The following KCNK6 variants were observed in gnomAD, a reference collection of about 807,000 sequenced individuals.
The protein encoded by KCNK6 is potassium two pore domain channel subfamily K member 6, also known as potassium channel subfamily K member 6.
A neutral mutation model predicts 21.9 loss-of-function variants in KCNK6; 20 were observed. That is an observed-to-expected ratio of 0.91 (90% CI 0.64 to 1.32). KCNK6 has a LOEUF of 1.32. KCNK6 is among the 40% of genes most tolerant of loss of function. The pLI is 0.00. For synonymous variants in KCNK6, 210 were observed against 218.0 expected (o/e 0.96, Z 0.32); for missense variants, 415 against 433.1 (o/e 0.96, Z 0.37).
At position 38,327,318 on chromosome 19, in the gene KCNK6, G is replaced by C; in HGVS notation, c.857G>C (p.Arg286Pro). Reference sequence around the variant, plus strand: ...AGTTTCAATGCGGATGAGGACGATCGGGTGGACATCCTGGGCCCCCAGCCG... The same window carrying C: ...AGTTTCAATGCGGATGAGGACGATCCGGTGGACATCCTGGGCCCCCAGCCG... Reference protein sequence around the residue: ...PASFNADEDDRVDILGPQPES... With the variant: ...PASFNADEDDPVDILGPQPES... The change falls in exon 3 of 3, where the codon CGG becomes CCG. Residue 286 changes from arginine (R) to proline (P), a missense_variant. Coordinates refer to ENST00000263372, the MANE Select transcript of KCNK6 (RefSeq NM_004823.3). 3 of 1,613,338 alleles carry C rather than the reference G, an allele frequency of 1.9e-6. No homozygotes were observed. The highest frequency in any genetic ancestry group is 2.5e-6 in the Non-Finnish European group (3 of 1,180,012).
chr19:38,327,101 G>A (rs1310758767), intron 2 of KCNK6, 79 bp from the exon 3 acceptor site: 2 of 1,576,974 alleles, frequency 1.3e-6, no homozygotes, highest in Non-Finnish European at 1.7e-6. Flanking sequence ...ACCCCACCCT[G>A]CAGGGTCCAG....
chr19:38,325,382 T>C (rs2145041457), intron 1 of KCNK6: 1 of 985,240 alleles, frequency 1.0e-6, no homozygotes, highest in Non-Finnish European at 1.2e-6. Flanking sequence ...CCCAAAGTGC[T>C]GGGATTACAG....
rs1363271460 is a variant in KCNK6 at position 38,328,346 on chromosome 19, C to G, written c.*943C>G. 6.6e-6 allele frequency: 1 copy of G among 152,310 alleles called. No homozygotes were observed. The allele number at this position is 152,310 out of a possible 1,614,324, so 9.4% of individuals were successfully genotyped here. A position where few individuals can be genotyped will look rare whatever the true frequency, so the allele number is the denominator to read the frequency against. ...ACAGACATAGGACCCCAGCCCAGAT[C>G]TGAATGGCATGGGAGGTGCTGCCCT... On this transcript the variant is annotated 3_prime_UTR_variant, in exon 3 of 3. Transcript: ENST00000263372.
rs879361712 is a variant in KCNK6, at chr19:38,319,931, G to A, written c.-20G>A. 1.9e-5 allele frequency: 26 copies of A among 1,398,868 alleles called. No homozygotes were observed. The highest frequency in any genetic ancestry group is 7.3e-5 in the Admixed American group (2 of 27,302). The allele number at this position is 1,398,868 out of a possible 1,614,324, so 86.7% of individuals were successfully genotyped here. On this transcript the variant is annotated 5_prime_UTR_variant, in exon 1 of 3. Coordinates refer to ENST00000263372, the MANE Select transcript of KCNK6 (RefSeq NM_004823.3). The stretch of plus-strand genomic sequence containing the variant: ...ACGTCAGCGGGGCCACCCAGGGCTC[G>A]CGGGGTCCCGGTGGGTGCCATGCGG...
intron 2 of KCNK6, 48 bp downstream of exon 2, chr19:38,327,036 C>A: frequency 6.4e-7 from 1 of 1,567,176 alleles, no homozygotes; most frequent in South Asian, 1.2e-5. Context: ...CTAGCCCTGT[C>A]CCTGGGGGAG....
In KCNK6 at chr19:38,326,898, A is replaced by T; in HGVS notation, c.628A>T (p.Ile210Phe). 6.2e-7 allele frequency: 1 copy of T among 1,611,772 alleles called. No individual in the cohort carries two copies. The highest frequency in any genetic ancestry group is 8.5e-7 in the Non-Finnish European group (1 of 1,180,010). The change falls in exon 2 of 3, where the codon ATC (isoleucine) becomes TTC (phenylalanine). Residue 210 changes from isoleucine to phenylalanine, a missense_variant. Transcript: ENST00000263372. ...CTTGGATGCCTTCTACTTCTGCTTTATCTCTCTGTCCACCATCGGCCTGGG... is the reference window on the plus strand; with the variant it reads ...CTTGGATGCCTTCTACTTCTGCTTTTTCTCTCTGTCCACCATCGGCCTGGG... ...SFLDAFYFCF[I>F]SLSTIGLGDY...
At position 38,320,206 on chromosome 19, in the gene KCNK6, G is replaced by T; in HGVS notation, c.256G>T (p.Ala86Ser). The change falls in exon 1 of 3, where the codon GCC becomes TCC. Residue 86 changes from alanine (A) to serine (S), a missense_variant. Ala to Ser is a moderately conservative substitution (Grantham distance 99). Transcript: ENST00000263372. Reference sequence around the variant, plus strand: ...TGCTAACGCTTCGGGGTCCGCCAACGCCTCGGACCCCGCCTGGGACTTCGC... The same window carrying T: ...TGCTAACGCTTCGGGGTCCGCCAACTCCTCGGACCCCGCCTGGGACTTCGC... ...VLANASGSAN[A>S]SDPAWDFASA... The T allele has an allele frequency of 1.2e-6, 2 of 1,602,742 alleles. No homozygotes were observed. Among genetic ancestry groups the T allele is most frequent in the Non-Finnish European group, 8.5e-7 (1 of 1,179,510 alleles).
Position 38,327,435 on chromosome 19 carries a change from C to A in KCNK6, c.*32C>A. The stretch of plus-strand genomic sequence containing the variant: ...CAGCCTCTGCCAGGCTTGGGTGTGC[C>A]TGGCCTGGGACTGAGGGGTCCAGGC... On this transcript the variant is annotated 3_prime_UTR_variant, in exon 3 of 3. Transcript: ENST00000263372. The A allele has an allele frequency of 6.3e-7, 1 of 1,595,206 alleles. No homozygotes were observed. Among genetic ancestry groups the A allele is most frequent in the Non-Finnish European group, 8.5e-7 (1 of 1,175,628 alleles).
chr19:38,327,299 A>G lies in KCNK6; in HGVS notation c.838A>G (p.Asn280Asp), dbSNP rs764377019. 1 of 1,613,644 alleles carries G rather than the reference A, an allele frequency of 6.2e-7. No individual in the cohort carries two copies. The highest frequency in any genetic ancestry group is 1.7e-5 in the Admixed American group (1 of 60,022). ...LLPPPCPASF[N>D]ADEDDRVDIL... is the part of the protein sequence containing the mutation. ...GCCCCCTCCGTGCCCTGCCAGTTTC[A>G]ATGCGGATGAGGACGATCGGGTGGA... The change falls in exon 3 of 3, where the codon AAT (asparagine) becomes GAT (aspartate). Residue 280 changes from asparagine to aspartate, a missense_variant. Asn to Asp is a conservative substitution (Grantham distance 23). Coordinates refer to ENST00000263372, the MANE Select transcript of KCNK6 (RefSeq NM_004823.3).
At position 38,320,031 on chromosome 19, in the gene KCNK6, G is replaced by C. The variant is rs771025484; in HGVS notation, c.81G>C (p.Arg27=). ...TGCTGGGCGCGCTGTTGGTGGCGCG[G>C]CTGGAGGGGCCGCACGAAGCCAGGC... ...YLVLGALLVA[R]LEGPHEARLR... The change falls in exon 1 of 3, where the codon CGG becomes CGC. Residue 27 remains arginine (R), a synonymous_variant. Transcript: ENST00000263372. 1 of 1,496,982 alleles carries C rather than the reference G, an allele frequency of 6.7e-7. No homozygotes were observed. Among genetic ancestry groups the C allele is most frequent in the East Asian group, 2.7e-5 (1 of 36,656 alleles). The allele number at this position is 1,496,982 out of a possible 1,614,324, so 92.7% of individuals were successfully genotyped here. A position where few individuals can be genotyped will look rare whatever the true frequency, so the allele number is the denominator to read the frequency against.
chr19:38,327,102 C>A, intron 2 of KCNK6, 78 bp from the exon 3 acceptor site: 1 of 1,576,396 alleles, frequency 6.3e-7, no homozygotes, highest in Non-Finnish European at 8.6e-7. Context: ...CCCCACCCTG[C>A]AGGGTCCAGT....
At chr19:38,320,417 C>T (rs1969637585) in intron 1 of KCNK6, 145 bp downstream of exon 1, 2 of 866,830 alleles carry the variant, frequency 2.3e-6, no homozygotes, top group South Asian at 3.6e-5. Context: ...CAGTGAGGAC[C>T]CGGGACCCAG....
At chr19:38,320,686 G>A (rs1368679488) in intron 1 of KCNK6, among the ~76,000 whole-genome samples, 2 of 152,102 alleles carry the variant, frequency 1.3e-5, no homozygotes, top group Non-Finnish European at 2.9e-5. Context: ...AGCCTGCCGA[G>A]TAGCTGGGAT....
At position 38,326,630 on chromosome 19, in the gene KCNK6, G is replaced by T; in HGVS notation, c.360G>T (p.Lys120Asn). 6.2e-7 allele frequency: 1 copy of T among 1,611,326 alleles called. No individual in the cohort carries two copies. ...GYTTPLTDAG[K>N]AFSIAFALLG... is the part of the protein sequence containing the mutation. Reference sequence around the variant, plus strand: ...CAACGCCACTGACTGATGCGGGCAAGGCCTTCTCCATCGCCTTTGCGCTCC... The same window carrying T: ...CAACGCCACTGACTGATGCGGGCAATGCCTTCTCCATCGCCTTTGCGCTCC... The change falls in exon 2 of 3, where the codon AAG becomes AAT. Residue 120 changes from lysine to asparagine, a missense_variant. Coordinates refer to ENST00000263372, the MANE Select transcript of KCNK6 (RefSeq NM_004823.3).
At position 38,326,856 on chromosome 19, in the gene KCNK6, G is replaced by C. The variant is rs371310407; in HGVS notation, c.586G>C (p.Glu196Gln). Residue 196 changes from glutamate to glutamine, a missense_variant, in exon 2 of 3, where the codon GAG becomes CAG. Coordinates refer to ENST00000263372, the MANE Select transcript of KCNK6 (RefSeq NM_004823.3). The part of the protein sequence containing the change: ...LVPAVIFAHL[E>Q]EAWSFLDAFY... ...GCCGGCTGTGATCTTTGCCCACCTC[G>C]AGGAGGCCTGGAGCTTCTTGGATGC... is the stretch of plus-strand genomic sequence containing the variant. 1 of 1,611,612 alleles carries C rather than the reference G, an allele frequency of 6.2e-7. No individual in the cohort carries two copies. The highest frequency in any genetic ancestry group is 8.5e-7 in the Non-Finnish European group (1 of 1,180,004).
In KCNK6 at chr19:38,320,103, C is replaced by T; in HGVS notation, c.153C>T (p.Ser51=). Residue 51 remains serine (S), a synonymous_variant, in exon 1 of 3, where the codon AGC becomes AGT. Transcript: ENST00000263372. ...TGCGGGCGCAGCTGCTTCAGCGCAG[C>T]CCGTGTGTGGCTGCCCCCGCCCTGG... ...ETLRAQLLQR[S]PCVAAPALDA... is the part of the protein sequence containing the mutation. 7 of 1,565,564 alleles carry T rather than the reference C, an allele frequency of 4.5e-6. No individual in the cohort carries two copies. Among genetic ancestry groups the T allele is most frequent in the Middle Eastern group, 1.8e-4 (1 of 5,576 alleles).
At chr19:38,322,589 G>C (rs1004270982) in intron 1 of KCNK6, among the ~76,000 whole-genome samples, 2 of 152,232 alleles carry the variant, frequency 1.3e-5, no homozygotes, top group African/African-American at 4.8e-5. Context: ...GGCCGAGGTG[G>C]GCAGATCACC....
chr19:38,320,090 T>A lies in KCNK6; in HGVS notation c.140T>A (p.Leu47Gln), dbSNP rs1460224442. ...RAELETLRAQ[L>Q]LQRSPCVAAP... ...GAGCTGGAGACGCTGCGGGCGCAGC[T>A]GCTTCAGCGCAGCCCGTGTGTGGCT... The change falls in exon 1 of 3, where the codon CTG becomes CAG. Residue 47 changes from leucine to glutamine, a missense_variant. Transcript: ENST00000263372. 1.3e-6 allele frequency: 2 copies of A among 1,545,140 alleles called. No individual in the cohort carries two copies. The highest frequency in any genetic ancestry group is 4.9e-5 in the East Asian group (2 of 40,604).
At chr19:38,324,887 T>C (rs979902998) in intron 1 of KCNK6, among the ~76,000 whole-genome samples, 1 of 151,938 alleles carries the variant, frequency 6.6e-6, no homozygotes, top group Non-Finnish European at 1.5e-5. Flanking sequence ...CCACCATGCC[T>C]GGCTGGGATC....
Sources: gnomAD v4.1 joint callset for allele counts (sites outside exome capture counted in the v4.1 genomes callset) on GRCh38, gnomAD v4.1.1 for gene constraint, MANE v1.5 for transcripts, NCBI Gene and HGNC (gene_info 2026-07-23, HGNC 2026-07-21) for gene names.